The following ALX1 variants were observed in gnomAD, a reference collection of about 807,000 sequenced individuals.
ALX1 encodes ALX homeobox protein 1.
ALX1 carries 19 observed loss-of-function variants against 31.7 expected under a neutral mutation model. The observed-to-expected ratio is 0.60, with a 90% CI of 0.42 to 0.88. The LOEUF (loss-of-function observed/expected upper bound fraction) is 0.88. Ranked by LOEUF, ALX1 falls within the 40% of genes least tolerant of loss-of-function variation. The pLI is 0.00. For missense variants in ALX1, 415 were observed against 407.8 expected, an observed-to-expected ratio of 1.02 and a Z score of -0.15; for synonymous variants, 153 against 148.8, an observed-to-expected ratio of 1.03 and a Z score of -0.20.
At chr12:85,280,806 C>T (rs1410333703) in intron 1 of ALX1, among the ~76,000 whole-genome samples, 6 of 151,992 alleles carry the variant, frequency 3.9e-5, no homozygotes, top group Non-Finnish European at 8.8e-5. Flanking sequence ...TGATAGGGCG[C>T]TAAATAGAGC....
rs1896651611 is a variant in ALX1, at chr12:85,280,368, A to G, written c.107A>G (p.Asp36Gly). The G allele has an allele frequency of 6.2e-7, 1 of 1,613,986 alleles. No homozygotes were observed. Among genetic ancestry groups the G allele is most frequent in the Non-Finnish European group, 8.5e-7 (1 of 1,180,046 alleles). The change falls in exon 1 of 4, where the codon GAC (aspartate) becomes GGC (glycine). Residue 36 changes from aspartate to glycine, a missense_variant. Around this residue, in one of 3 missense-constraint regions of ALX1, gnomAD observed 235 missense variants for 208.9 expected, o/e 1.13. Transcript: ENST00000316824. ...GPLEHVMETL[D>G]NESFYSKASA... ...CTGGAGCACGTTATGGAGACGCTGGACAATGAGTCCTTTTACAGCAAAGCG... is the reference window on the plus strand; with the variant it reads ...CTGGAGCACGTTATGGAGACGCTGGGCAATGAGTCCTTTTACAGCAAAGCG...
At chr12:85,283,550 G>C (rs369236469) in intron 1 of ALX1, 22 bp from the exon 2 acceptor site, 2 of 1,613,336 alleles carry the variant, frequency 1.2e-6, no homozygotes, top group Non-Finnish European at 1.7e-6. Flanking sequence ...GAGAACTGTT[G>C]TTTTTCCTCC....
At chr12:85,295,526 A>G (rs1381071092) in intron 3 of ALX1, among the ~76,000 whole-genome samples, 1 of 151,640 alleles carries the variant, frequency 6.6e-6, no homozygotes, top group Non-Finnish European at 1.5e-5. Flanking sequence ...ACAGAAAATT[A>G]ATAAATGTAA....
chr12:85,286,354 A>T lies in ALX1; in HGVS notation c.532-499A>T, dbSNP rs942212601. The stretch of plus-strand genomic sequence containing the variant: ...TTTATGTTTAAAATTTTAAAAGATT[A>T]TGTAGGTATGAGCACAACTGAGAAG... On this transcript the variant is annotated intron_variant, in intron 2 of 3. Transcript: ENST00000316824. Among the ~76,000 whole-genome samples the T allele has an allele frequency of 5.9e-5, 9 of 151,952 alleles. No individual in the cohort carries two copies. In the East Asian group the frequency reaches 1.5e-3, roughly 26 times the overall value.
intron 1 of ALX1, among the ~76,000 whole-genome samples, chr12:85,281,903 A>T (rs546661945): frequency 1.5e-4 from 23 of 152,222 alleles, no homozygotes; most frequent in Non-Finnish European, 2.8e-4. Flanking sequence ...CTTGATCATA[A>T]TATTTTATTT....
At chr12:85,287,567 A>C (rs748079917) in intron 3 of ALX1, among the ~76,000 whole-genome samples, 3 of 151,502 alleles carry the variant, frequency 2.0e-5, no homozygotes, top group Non-Finnish European at 4.4e-5. Flanking sequence ...AGTTAATCAC[A>C]GATGAGTAAC....
Position 85,301,560 on chromosome 12 carries a change from T to C in ALX1, c.*85T>C. On this transcript the variant is annotated 3_prime_UTR_variant, in exon 4 of 4. Coordinates refer to ENST00000316824, the MANE Select transcript of ALX1 (RefSeq NM_006982.3). ...TTTAAAGGATACCACAATAAGCTGC[T>C]GTGTGTGGAATTGCTAAAGGTCAAG... 7.1e-7 allele frequency: 1 copy of C among 1,413,202 alleles called. No individual in the cohort carries two copies. The highest frequency in any genetic ancestry group is 9.8e-7 in the Non-Finnish European group (1 of 1,016,492). 87.5% of individuals were successfully genotyped at this position (1,413,202 alleles called of 1,614,324 possible).
At chr12:85,291,376 C>G (rs185254561) in intron 3 of ALX1, among the ~76,000 whole-genome samples, 1 of 150,420 alleles carries the variant, frequency 6.6e-6, no homozygotes, top group African/African-American at 2.4e-5. Flanking sequence ...CAAACTAGGC[C>G]CAAGAAACCA....
At chr12:85,291,005 A>G (rs1565942117) in intron 3 of ALX1, among the ~76,000 whole-genome samples, 1 of 151,282 alleles carries the variant, frequency 6.6e-6, no homozygotes, top group Non-Finnish European at 1.5e-5. Context: ...GACATTGGAT[A>G]GATATGAGTA....
At chr12:85,281,590 C>A (rs1017056310) in intron 1 of ALX1, among the ~76,000 whole-genome samples, 1 of 152,086 alleles carries the variant, frequency 6.6e-6, no homozygotes, top group African/African-American at 2.4e-5. Context: ...AAGTTTTTTT[C>A]TTTTATTAAT....
At chr12:85,295,000 T>A (rs1257071911) in intron 3 of ALX1, among the ~76,000 whole-genome samples, 1 of 151,424 alleles carries the variant, frequency 6.6e-6, no homozygotes, top group Non-Finnish European at 1.5e-5. Context: ...CTAAATATTT[T>A]ATATATCACC....
Position 85,301,203 on chromosome 12 carries a change from A to T in ALX1, c.709A>T (p.Thr237Ser), listed in dbSNP as rs368441255. 4 of 1,614,034 alleles carry T rather than the reference A, an allele frequency of 2.5e-6. No homozygotes were observed. In the East Asian group the frequency reaches 8.9e-5, roughly 36 times the overall value. ...AGNASGGSVV[T>S]SCMLPRDTSS... The stretch of plus-strand genomic sequence containing the variant: ...AAATGCAAGTGGTGGTTCTGTGGTT[A>T]CTTCATGCATGTTACCACGTGACAC... The change falls in exon 4 of 4, where the codon ACT (threonine) becomes TCT (serine). Residue 237 changes from threonine to serine, a missense_variant. Physicochemically the swap from Thr to Ser is moderately conservative, Grantham distance 58 (BLOSUM62 1). This residue lies in a region of ALX1 where 174 missense variants were observed against 177.5 expected (regional missense o/e 0.98). Transcript: ENST00000316824.
chr12:85,293,617 T>A (rs575271635), intron 3 of ALX1, among the ~76,000 whole-genome samples: 48 of 150,868 alleles, frequency 3.2e-4, no homozygotes, highest in African/African-American at 1.1e-3. Flanking sequence ...GTTAACAAAA[T>A]TTTTTTAAAT....
intron 3 of ALX1, among the ~76,000 whole-genome samples, chr12:85,298,295 C>T (rs901626356): frequency 8.6e-5 from 13 of 151,764 alleles, no homozygotes; most frequent in African/African-American, 2.7e-4. Context: ...CAAAAGAACA[C>T]GCTGTTTAGT....
chr12:85,285,764 A>C (rs1896739376), intron 2 of ALX1, among the ~76,000 whole-genome samples: 1 of 151,906 alleles, frequency 6.6e-6, no homozygotes. Flanking sequence ...CTTTTTCCTA[A>C]ATATTTTATA....
At chr12:85,290,655 T>A (rs1020581291) in intron 3 of ALX1, among the ~76,000 whole-genome samples, 1 of 151,246 alleles carries the variant, frequency 6.6e-6, no homozygotes, top group African/African-American at 2.4e-5. Flanking sequence ...TTCTTTATTT[T>A]GGCTCAAGAT....
At position 85,297,519 on chromosome 12, in the gene ALX1, G is replaced by C. The variant is rs142188943; in HGVS notation, c.661-3636G>C. Among the ~76,000 whole-genome samples the C allele has an allele frequency of 2.5e-3, 386 of 151,752 alleles. 1 individual carries two copies. Among genetic ancestry groups the C allele is most frequent in the African/African-American group, 8.8e-3 (367 of 41,496 alleles). On this transcript the variant is annotated intron_variant, in intron 3 of 3. Transcript: ENST00000316824. ...GGCACATAAATGGAAGCCATAGGTA[G>C]AGGTAGAGGAATATAACAGCTTACT...
intron 3 of ALX1, among the ~76,000 whole-genome samples, chr12:85,297,491 TA>T (rs1896905765): frequency 6.6e-6 from 1 of 151,664 alleles, no homozygotes; most frequent in East Asian, 1.9e-4. Context: ...TACGTCATTA[TA>T]GGGCACATAA....
chr12:85,298,631 C>G (rs1424957022), intron 3 of ALX1, among the ~76,000 whole-genome samples: 1 of 151,576 alleles, frequency 6.6e-6, no homozygotes, highest in African/African-American at 2.4e-5. Context: ...CAAGATAGAT[C>G]AGTAAAAATG....
Sources: gnomAD v4.1 joint callset for allele counts (sites outside exome capture counted in the v4.1 genomes callset) on GRCh38, gnomAD v4.1.1 for gene constraint, gnomAD v4.1.1 regional missense constraint, MANE v1.5 for transcripts, NCBI Gene and HGNC (gene_info 2026-07-23, HGNC 2026-07-21) for gene names.